DNAH9: variants seen among roughly 807,000 people sequenced by gnomAD.
The protein encoded by DNAH9 is DNAH9 variant protein.
DNAH9 carries 345 observed loss-of-function variants against 471.6 expected under a neutral mutation model. The ratio of observed to expected loss-of-function variants is 0.73; its 90% CI spans 0.67 to 0.80. The LOEUF (loss-of-function observed/expected upper bound fraction) is 0.80. Among genes scored for constraint, DNAH9 ranks in the 30% least tolerant of loss-of-function variants. The pLI is 0.00. For missense variants in DNAH9, 5,407 were observed against 5,609.2 expected (o/e 0.96, Z 1.15); for synonymous variants, 2,093 against 2,123.6 (o/e 0.99, Z 0.40).
intron 45 of DNAH9, among the ~76,000 whole-genome samples, chr17:11,812,438 A>G (rs1001748464): frequency 2.0e-5 from 3 of 152,034 alleles, no homozygotes; most frequent in Non-Finnish European, 2.9e-5. Flanking sequence ...TGTAAGTAAT[A>G]TATTTTAGGA....
intron 49 of DNAH9, among the ~76,000 whole-genome samples, chr17:11,835,442 C>T (rs1253342832): frequency 6.6e-6 from 1 of 152,126 alleles, no homozygotes; most frequent in African/African-American, 2.4e-5. Context: ...AAGTGGCAAC[C>T]ACATAACTGT....
chr17:11,823,074 G>T (rs1216102477), intron 48 of DNAH9, 40 bp downstream of exon 48: 2 of 1,551,412 alleles, frequency 1.3e-6, no homozygotes, highest in South Asian at 2.3e-5. Flanking sequence ...AGGGGACTTG[G>T]AGGGAGCTGA....
chr17:11,871,384 T>C (rs1972254871), intron 51 of DNAH9, among the ~76,000 whole-genome samples: 1 of 152,230 alleles, frequency 6.6e-6, no homozygotes, highest in South Asian at 2.1e-4. Flanking sequence ...CATCTTTCCA[T>C]GGTTCATGTG....
chr17:11,753,638 C>T (rs1280652227), intron 33 of DNAH9, among the ~76,000 whole-genome samples: 2 of 152,214 alleles, frequency 1.3e-5, no homozygotes, highest in Non-Finnish European at 2.9e-5. Context: ...TGCACTCCAG[C>T]CTGGGCAACA....
chr17:11,637,993 G>A (rs1209384327), intron 9 of DNAH9, among the ~76,000 whole-genome samples: 1 of 152,156 alleles, frequency 6.6e-6, no homozygotes, highest in Non-Finnish European at 1.5e-5. Flanking sequence ...GATATGGAAT[G>A]TGATCAGCTG....
intron 17 of DNAH9, among the ~76,000 whole-genome samples, chr17:11,677,629 A>G (rs1223593516): frequency 6.6e-6 from 1 of 152,118 alleles, no homozygotes; most frequent in African/African-American, 2.4e-5. Flanking sequence ...GTTCATTAAC[A>G]TTGATCGTGG....
rs1267973261 is a variant in DNAH9, at chr17:11,617,428, G to T, written c.922G>T (p.Asp308Tyr). Reference sequence around the variant, plus strand: ...CCTTCCAGCTCTAGCAGAGGCACAGGACATCCATGTGCACCTGATACCGCT... The same window carrying T: ...CCTTCCAGCTCTAGCAGAGGCACAGTACATCCATGTGCACCTGATACCGCT... ...DVVAALAEAQ[D>Y]IHVHLIPLQR... The change falls in exon 5 of 69, where the codon GAC becomes TAC. Residue 308 changes from aspartate (D) to tyrosine (Y), a missense_variant. Coordinates refer to ENST00000262442, the MANE Select transcript of DNAH9 (RefSeq NM_001372.4). 1.2e-6 allele frequency: 2 copies of T among 1,613,930 alleles called. No individual in the cohort carries two copies. Among genetic ancestry groups the T allele is most frequent in the Non-Finnish European group, 8.5e-7 (1 of 1,179,824 alleles).
chr17:11,834,951 G>A, intron 49 of DNAH9, 53 bp downstream of exon 49: 1 of 1,582,428 alleles, frequency 6.3e-7, no homozygotes, highest in Non-Finnish European at 8.6e-7. Context: ...GGTAGACGCA[G>A]AGACCACCTT....
chr17:11,894,274 T>C (rs1025099987), intron 58 of DNAH9, 100 bp from the exon 59 acceptor site: 11 of 1,492,980 alleles, frequency 7.4e-6, no homozygotes, highest in Non-Finnish European at 1.0e-5. Flanking sequence ...GGCAAACTAG[T>C]ATTAGAGGCA....
Position 11,933,928 on chromosome 17 carries a change from G to A in DNAH9, c.12346G>A (p.Gly4116Ser). The A allele has an allele frequency of 1.2e-6, 2 of 1,614,144 alleles. No individual in the cohort carries two copies. Among genetic ancestry groups the A allele is most frequent in the Non-Finnish European group, 8.5e-7 (1 of 1,180,022 alleles). ...RYLFGEIMYG[G>S]HITDDWDRRL... ...CCTGTTTGGAGAGATCATGTATGGAGGCCATATCACAGATGACTGGGACAG... is the reference window on the plus strand; with the variant it reads ...CCTGTTTGGAGAGATCATGTATGGAAGCCATATCACAGATGACTGGGACAG... Residue 4116 changes from glycine (G) to serine (S), a missense_variant, in exon 65 of 69, where the codon GGC becomes AGC. Physicochemically the swap from Gly to Ser is moderately conservative, Grantham distance 56. This residue lies in a region of DNAH9 where 4,636 missense variants were observed against 4,900.3 expected (regional missense o/e 0.95). Transcript: ENST00000262442.
intron 19 of DNAH9, among the ~76,000 whole-genome samples, chr17:11,686,936 C>T (rs1487999243): frequency 1.3e-5 from 2 of 152,186 alleles, no homozygotes; most frequent in Non-Finnish European, 2.9e-5. Context: ...ATTCTAAGTT[C>T]ACTCTAGTCA....
intron 27 of DNAH9, among the ~76,000 whole-genome samples, chr17:11,721,238 A>C (rs1356888318): frequency 6.6e-6 from 1 of 151,992 alleles, no homozygotes; most frequent in Non-Finnish European, 1.5e-5. Flanking sequence ...TACAGGGTGA[A>C]CGGGGGAGTC....
rs1474614199 is a variant in DNAH9, at chr17:11,880,157, G to A, written c.10558G>A (p.Val3520Ile). ...AAATCTAGAGGAGTCCATTGATCCTGTTCTGGGACCCCTGCTTGGGAGAGA... is the reference window on the plus strand; with the variant it reads ...AAATCTAGAGGAGTCCATTGATCCTATTCTGGGACCCCTGCTTGGGAGAGA... Reference protein sequence around the residue: ...IENLEESIDPVLGPLLGREVI... With the variant: ...IENLEESIDPILGPLLGREVI... The change falls in exon 54 of 69, where the codon GTT becomes ATT. Residue 3520 changes from valine (V) to isoleucine (I), a missense_variant. Val to Ile is a conservative substitution (Grantham distance 29, BLOSUM62 3). Coordinates refer to ENST00000262442, the MANE Select transcript of DNAH9 (RefSeq NM_001372.4). The A allele has an allele frequency of 6.2e-7, 1 of 1,613,898 alleles. No homozygotes were observed. The highest frequency in any genetic ancestry group is 1.3e-5 in the African/African-American group (1 of 74,910).
At chr17:11,739,264 T>A (rs527473419) in intron 29 of DNAH9, among the ~76,000 whole-genome samples, 43 of 152,372 alleles carry the variant, frequency 2.8e-4, no homozygotes, top group African/African-American at 1.0e-3. Flanking sequence ...TAGCCTGCAT[T>A]TGCGGTCTAC....
In DNAH9 at chr17:11,752,866, A is replaced by T; in HGVS notation, c.6644A>T (p.Asn2215Ile). 1 of 1,606,852 alleles carries T rather than the reference A, an allele frequency of 6.2e-7. No individual in the cohort carries two copies. The highest frequency in any genetic ancestry group is 8.5e-7 in the Non-Finnish European group (1 of 1,176,864). Reference protein sequence around the residue: ...LFSSIMRELANITHDGPKWIL... With the variant: ...LFSSIMRELAIITHDGPKWIL... Reference sequence around the variant, plus strand: ...TCTTCCATCATGCGGGAGCTTGCCAACATCACCCATGATGGGCCCAAGTGG... The same window carrying T: ...TCTTCCATCATGCGGGAGCTTGCCATCATCACCCATGATGGGCCCAAGTGG... Residue 2215 changes from asparagine to isoleucine, a missense_variant, in exon 33 of 69, where the codon AAC becomes ATC. Transcript: ENST00000262442.
chr17:11,698,165 ATTATATTAATAT>A (rs2074511663), intron 22 of DNAH9, among the ~76,000 whole-genome samples: 1 of 73,486 alleles, frequency 1.4e-5, no homozygotes, highest in Admixed American at 2.1e-4. Context: ...TTAATATATT[ATTATATTAATAT>A]ATTATTATAT....
At chr17:11,874,585 G>C (rs1270651427) in intron 52 of DNAH9, among the ~76,000 whole-genome samples, 1 of 152,200 alleles carries the variant, frequency 6.6e-6, no homozygotes, top group East Asian at 1.9e-4. Flanking sequence ...GCGTGCACAA[G>C]AAACACAGAC....
intron 48 of DNAH9, 123 bp downstream of exon 48, chr17:11,823,157 C>G: frequency 3.7e-6 from 3 of 806,224 alleles, no homozygotes; most frequent in Non-Finnish European, 5.7e-6. Flanking sequence ...CCAGAGACTC[C>G]CATGTCATCA....
At position 11,611,536 on chromosome 17, in the gene DNAH9, T is replaced by C. The variant is rs2150641901; in HGVS notation, c.774-114T>C. ...GCTCTTTGGGCTGGAGCACAGCCTC[T>C]GTGGAAGCACCCCGAGGCAGGGCTC... On this transcript the variant is annotated intron_variant, in intron 3 of 68. Transcript: ENST00000262442. The C allele has an allele frequency of 2.8e-6, 3 of 1,087,892 alleles. No homozygotes were observed. In the East Asian group the frequency reaches 7.1e-5, roughly 26 times the overall value. The allele number at this position is 1,087,892 out of a possible 1,614,324, so 67.4% of individuals were successfully genotyped here. A position where few individuals can be genotyped will look rare whatever the true frequency, so the allele number is the denominator to read the frequency against.
Sources: allele counts gnomAD v4.1 joint callset (sites outside exome capture counted in the v4.1 genomes callset), GRCh38; gene constraint gnomAD v4.1.1; regional missense constraint gnomAD v4.1.1; transcripts MANE v1.5; gene names NCBI Gene and HGNC (gene_info 2026-07-23, HGNC 2026-07-21).